HACD3: variants seen among roughly 807,000 people sequenced by gnomAD.
HACD3 encodes the protein very-long-chain (3R)-3-hydroxyacyl-CoA dehydratase 3.
HACD3 carries 30 observed loss-of-function variants against 55.2 expected under a neutral mutation model. The observed-to-expected ratio is 0.54, with a 90% CI of 0.41 to 0.74. HACD3 has a LOEUF of 0.74. Among genes scored for constraint, HACD3 ranks in the 30% least tolerant of loss-of-function variants. The pLI, the probability that HACD3 is intolerant of heterozygous loss-of-function variation, is 0.00. For missense variants in HACD3, 363 were observed against 440.1 expected (o/e 0.82, Z 1.57); for synonymous variants, 141 against 151.7 (o/e 0.93, Z 0.52).
At chr15:65,571,722 C>T in intron 9 of HACD3, 68 bp downstream of exon 9, 1 of 1,187,972 alleles carries the variant, frequency 8.4e-7, no homozygotes, top group Non-Finnish European at 1.2e-6. Flanking sequence ...AGAGACCAGT[C>T]CTTTCTTCCC....
intron 1 of HACD3, chr15:65,535,891 T>C (rs926290396): frequency 1.9e-5 from 10 of 530,852 alleles, no homozygotes; most frequent in East Asian, 1.3e-4. Context: ...GGTCTCATTA[T>C]GTTGGCCAGG....
At chr15:65,532,887 C>T (rs182468114) in intron 1 of HACD3, among the ~76,000 whole-genome samples, 3 of 152,142 alleles carry the variant, frequency 2.0e-5, no homozygotes, top group Middle Eastern at 3.4e-3. Context: ...CAAGGGCATG[C>T]TATCTAGAAG....
chr15:65,554,035 C>G (rs182281785), intron 2 of HACD3, among the ~76,000 whole-genome samples: 2 of 152,192 alleles, frequency 1.3e-5, no homozygotes, highest in Non-Finnish European at 2.9e-5. Flanking sequence ...TTTCCTTGTT[C>G]CATTTGGGAT....
At chr15:65,570,604 A>C (rs1411061964) in intron 8 of HACD3, among the ~76,000 whole-genome samples, 1 of 152,228 alleles carries the variant, frequency 6.6e-6, no homozygotes, top group African/African-American at 2.4e-5. Context: ...GGGATGATAG[A>C]AATGAATCTT....
chr15:65,559,951 G>A (rs1284345435), intron 5 of HACD3, among the ~76,000 whole-genome samples: 1 of 152,030 alleles, frequency 6.6e-6, no homozygotes, highest in East Asian at 1.9e-4. Context: ...GTGGGGAAGT[G>A]TAATAGATTT....
intron 8 of HACD3, among the ~76,000 whole-genome samples, chr15:65,571,283 A>C (rs1449777680): frequency 6.6e-6 from 1 of 152,146 alleles, no homozygotes; most frequent in African/African-American, 2.4e-5. Context: ...AAAGCCAAAA[A>C]ACATCTGAGT....
Position 65,572,493 on chromosome 15 carries a change from CA to C in HACD3, c.1012+132del. ...ACAGAATTAGAGAATGATTACTTTG[CA>C]AAAACAGACCCACTAGGGGAATATG... On this transcript the variant is annotated intron_variant, in intron 10 of 10. Transcript: ENST00000261875. The C allele has an allele frequency of 4.5e-6, 5 of 1,099,758 alleles. No homozygotes were observed. The South Asian group carries it at 8.9e-5, about 20-fold the overall frequency. 68.1% of individuals were successfully genotyped at this position (1,099,758 alleles called of 1,614,324 possible).
chr15:65,558,820 G>A (rs1380843729), intron 5 of HACD3, 89 bp downstream of exon 5: 1 of 1,451,190 alleles, frequency 6.9e-7, no homozygotes, highest in Non-Finnish European at 9.5e-7. Context: ...GAGAGCTAAT[G>A]ATTTCATCCC....
chr15:65,559,013 A>G (rs1373500904), intron 5 of HACD3, among the ~76,000 whole-genome samples: 1 of 152,226 alleles, frequency 6.6e-6, no homozygotes, highest in Non-Finnish European at 1.5e-5. Context: ...GCAGATGGCA[A>G]CCAAATCCTG....
rs1294171159 is a variant in HACD3 at position 65,530,518 on chromosome 15, G to A, written c.-114G>A. Reference sequence around the variant, plus strand: ...GGGTATCTCGAGGTGCCGGGTTGCAGGCGCTCAGGAGCGCTAGGGTTTGAG... The same window carrying A: ...GGGTATCTCGAGGTGCCGGGTTGCAAGCGCTCAGGAGCGCTAGGGTTTGAG... On this transcript the variant is annotated 5_prime_UTR_variant, in exon 1 of 11. Transcript: ENST00000261875. 3 of 915,508 alleles carry A rather than the reference G, an allele frequency of 3.3e-6. No individual in the cohort carries two copies. The African/African-American group carries it at 5.3e-5, about 16-fold the overall frequency. 56.7% of individuals were successfully genotyped at this position (915,508 alleles called of 1,614,324 possible).
chr15:65,562,965 TTGA>T, intron 6 of HACD3, 81 bp downstream of exon 6: 1 of 1,556,296 alleles, frequency 6.4e-7, no homozygotes, highest in African/African-American at 1.4e-5. Context: ...CTCTCTGCCT[TTGA>T]TGTTAATAAT....
intron 1 of HACD3, among the ~76,000 whole-genome samples, chr15:65,545,667 G>C (rs1596207475): frequency 2.0e-5 from 3 of 151,350 alleles, no homozygotes; most frequent in East Asian, 3.9e-4. Context: ...TGTTAGCCAG[G>C]ATGGCCTCTA....
rs148355109 is a variant in HACD3, at chr15:65,540,994, A to T, written c.87+10276A>T. On this transcript the variant is annotated intron_variant, in intron 1 of 10. Coordinates refer to ENST00000261875, the MANE Select transcript of HACD3 (RefSeq NM_016395.4). ...ACTCGTTGGAGAGGAAGGGAAAAGA[A>T]TTAATGACTAGTCTTAAGATTTTGA... is the stretch of plus-strand genomic sequence containing the variant. Among the ~76,000 whole-genome samples the T allele has an allele frequency of 3.6e-3, 544 of 152,288 alleles. 5 individuals carry two copies. The highest frequency in any genetic ancestry group is 0.012 in the African/African-American group (514 of 41,568).
At chr15:65,532,695 C>T (rs2071914443) in intron 1 of HACD3, among the ~76,000 whole-genome samples, 1 of 151,662 alleles carries the variant, frequency 6.6e-6, no homozygotes, top group South Asian at 2.1e-4. Context: ...CATTTTTCCC[C>T]CTTATTGAGT....
chr15:65,561,359 G>A (rs1596214916), intron 5 of HACD3, among the ~76,000 whole-genome samples: 1 of 151,944 alleles, frequency 6.6e-6, no homozygotes, highest in South Asian at 2.1e-4. Flanking sequence ...TCAGCTACTC[G>A]GGAGGCTGAG....
At chr15:65,547,999 CTGA>C (rs2072093607) in intron 1 of HACD3, among the ~76,000 whole-genome samples, 1 of 152,080 alleles carries the variant, frequency 6.6e-6, no homozygotes, top group Non-Finnish European at 1.5e-5. Context: ...ACTGTTGATT[CTGA>C]TGTTAGGGTG....
chr15:65,570,005 A>G, intron 7 of HACD3, 86 bp from the exon 8 acceptor site: 1 of 844,990 alleles, frequency 1.2e-6, no homozygotes, highest in South Asian at 1.9e-5. Flanking sequence ...CCTTGCATTT[A>G]GTGGGGTTAG....
chr15:65,559,942 T>G (rs2072228991), intron 5 of HACD3, among the ~76,000 whole-genome samples: 1 of 152,148 alleles, frequency 6.6e-6, no homozygotes, highest in Non-Finnish European at 1.5e-5. Context: ...TTCTTTATGG[T>G]GGGGAAGTGT....
Position 65,562,780 on chromosome 15 carries a change from C to G in HACD3, c.428C>G (p.Thr143Arg), listed in dbSNP as rs370826631. Residue 143 changes from threonine (T) to arginine (R), a missense_variant, in exon 6 of 11, where the codon ACA becomes AGA. Physicochemically the swap from Thr to Arg is moderately conservative, Grantham distance 71. Transcript: ENST00000261875. Reference protein sequence around the residue: ...LESEGSPETLTNLRKGYLFMY... With the variant: ...LESEGSPETLRNLRKGYLFMY... ...GCTTTGCTTTGCTTTACAGCTCTTA[C>G]AAACTTAAGGAAAGGATACCTGTTT... 10 of 1,613,658 alleles carry G rather than the reference C, an allele frequency of 6.2e-6. No individual in the cohort carries two copies. Among genetic ancestry groups the G allele is most frequent in the Non-Finnish European group, 8.5e-6 (10 of 1,179,756 alleles).
Sources: allele counts gnomAD v4.1 joint callset (sites outside exome capture counted in the v4.1 genomes callset), GRCh38; gene constraint gnomAD v4.1.1; transcripts MANE v1.5; gene names NCBI Gene and HGNC (gene_info 2026-07-23, HGNC 2026-07-21).